COL5A2: variants seen among roughly 807,000 people sequenced by gnomAD.
COL5A2 encodes the protein collagen type V alpha 2 chain.
Under a neutral mutation model 208.2 loss-of-function variants are expected in COL5A2, and 23 were observed. The observed-to-expected ratio is 0.11, with a 90% CI of 0.08 to 0.16. The LOEUF (loss-of-function observed/expected upper bound fraction) is 0.16, where lower values mean the gene tolerates loss of function less well. Among genes scored for constraint, COL5A2 ranks in the 10% least tolerant of loss-of-function variants. COL5A2 has a pLI of 1.00. For synonymous variants in COL5A2, 625 were observed against 628.5 expected, an observed-to-expected ratio of 0.99 and a Z score of 0.08; for missense variants, 1,590 against 1,956.4, an observed-to-expected ratio of 0.81 and a Z score of 3.53.
intron 1 of COL5A2, among the ~76,000 whole-genome samples, chr2:189,140,528 G>A: frequency 6.6e-6 from 1 of 152,036 alleles, no homozygotes; most frequent in East Asian, 1.9e-4. Context: ...TAAAAATACA[G>A]AAAAATCTAT....
the COL5A2 span, among the ~76,000 whole-genome samples, chr2:189,353,894 T>C: frequency 7.2e-5 from 11 of 152,224 alleles, no homozygotes; most frequent in Non-Finnish European, 1.6e-4. Context: ...CTTCCAGTTT[T>C]TGCCCATTTA....
At chr2:189,076,917 C>CA (rs1000084966) in intron 16 of COL5A2, among the ~76,000 whole-genome samples, 13 of 151,606 alleles carry the variant, frequency 8.6e-5, no homozygotes, top group African/African-American at 2.9e-4. Context: ...CCTGTCTCTA[C>CA]AAAAAAAATT....
intron 1 of COL5A2, among the ~76,000 whole-genome samples, chr2:189,132,764 T>C (rs947449182): frequency 1.3e-5 from 2 of 151,760 alleles, no homozygotes; most frequent in East Asian, 3.9e-4. Context: ...CTACTAAAAA[T>C]ACAAAAATTA....
chr2:189,167,971 G>A (rs1214755733), intron 1 of COL5A2, among the ~76,000 whole-genome samples: 1 of 134,050 alleles, frequency 7.5e-6, no homozygotes, highest in Non-Finnish European at 1.6e-5. Context: ...ACGGACTCTC[G>A]CTGTCACCCA....
At chr2:189,340,795 G>C in the COL5A2 span, among the ~76,000 whole-genome samples, 1 of 152,150 alleles carries the variant, frequency 6.6e-6, no homozygotes, top group Admixed American at 6.5e-5. Flanking sequence ...GGTTTAGCAG[G>C]TGTCAGTGCC....
chr2:189,124,255 C>T (rs1242092816), intron 1 of COL5A2, among the ~76,000 whole-genome samples: 2 of 152,156 alleles, frequency 1.3e-5, no homozygotes, highest in African/African-American at 4.8e-5. Context: ...TGGTGTTCCG[C>T]CTGTGTAGCC....
the COL5A2 span, among the ~76,000 whole-genome samples, chr2:189,430,872 G>A: frequency 2.6e-5 from 4 of 152,234 alleles, no homozygotes; most frequent in Admixed American, 1.3e-4. Context: ...GCCTCCTCAA[G>A]TGGGTCCCTG....
chr2:189,247,137 C>T, the COL5A2 span, among the ~76,000 whole-genome samples: 2 of 151,988 alleles, frequency 1.3e-5, no homozygotes, highest in Admixed American at 1.3e-4. Context: ...GGTCCAAGCA[C>T]AGGTAATAGA....
the COL5A2 span, among the ~76,000 whole-genome samples, chr2:189,293,735 C>A: frequency 3.3e-5 from 5 of 152,156 alleles, no homozygotes; most frequent in Non-Finnish European, 7.3e-5. Context: ...TTACTGGTGC[C>A]TTTTCTTAGA....
At chr2:189,307,316 C>T in the COL5A2 span, among the ~76,000 whole-genome samples, 37 of 152,066 alleles carry the variant, frequency 2.4e-4, no homozygotes, top group South Asian at 6.2e-3. Flanking sequence ...AGCTTACTTG[C>T]TATCAATTAA....
the COL5A2 span, among the ~76,000 whole-genome samples, chr2:189,433,516 C>G: frequency 6.6e-5 from 10 of 152,046 alleles, no homozygotes; most frequent in African/African-American, 2.4e-4. Flanking sequence ...ACCAATCCCA[C>G]AGAAATACAA....
At chr2:189,082,409 G>A (rs1255283494) in intron 12 of COL5A2, among the ~76,000 whole-genome samples, 2 of 152,060 alleles carry the variant, frequency 1.3e-5, no homozygotes, top group African/African-American at 4.8e-5. Flanking sequence ...ACACAACCCC[G>A]CTCAAGAATT....
chr2:189,425,158 C>G, the COL5A2 span, among the ~76,000 whole-genome samples: 1 of 152,200 alleles, frequency 6.6e-6, no homozygotes, highest in Non-Finnish European at 1.5e-5. Context: ...GGTATCATCT[C>G]ACTTCTGTTA....
the COL5A2 span, among the ~76,000 whole-genome samples, chr2:189,380,299 G>C: frequency 2.0e-5 from 3 of 151,744 alleles, no homozygotes; most frequent in Non-Finnish European, 2.9e-5. Context: ...CACACATAAA[G>C]TTTTTCTTTT....
the COL5A2 span, among the ~76,000 whole-genome samples, chr2:189,313,990 T>C: frequency 1.3e-5 from 2 of 152,130 alleles, no homozygotes; most frequent in African/African-American, 4.8e-5. Flanking sequence ...CACAAAATAA[T>C]AGTGGGGAAC....
the COL5A2 span, among the ~76,000 whole-genome samples, chr2:189,251,320 A>T: frequency 6.6e-6 from 1 of 152,128 alleles, no homozygotes; most frequent in African/African-American, 2.4e-5. Context: ...AGACACTAAT[A>T]CTCAAAATGT....
At chr2:189,279,656 TATAAG>T in the COL5A2 span, among the ~76,000 whole-genome samples, 80 of 152,080 alleles carry the variant, frequency 5.3e-4, no homozygotes, top group Non-Finnish European at 1.0e-3. Context: ...GCTAGAGTAT[TATAAG>T]ATAGTTTATT....
chr2:189,232,449 A>C, the COL5A2 span, among the ~76,000 whole-genome samples: 3 of 151,784 alleles, frequency 2.0e-5, no homozygotes, highest in Non-Finnish European at 4.4e-5. Context: ...GTATGATATA[A>C]AAGTCAATTT....
Position 189,219,275 on chromosome 2 carries a change from T to C in COL5A2, c.-42+5873A>G, listed in dbSNP as rs146858133. Reference sequence around the variant, plus strand: ...ACCAAAATCCATATGTAACAGGAAGTGTTCTAGTAGGAGCCAAAAACATTA... The same window carrying C: ...ACCAAAATCCATATGTAACAGGAAGCGTTCTAGTAGGAGCCAAAAACATTA... On this transcript the variant is annotated intron_variant, in intron 1 of 10. Coordinates refer to the COL5A2 transcript ENST00000649966. Among the ~76,000 whole-genome samples the C allele has an allele frequency of 5.2e-3, 785 of 152,310 alleles. 6 individuals are homozygous for C. Among genetic ancestry groups the C allele is most frequent in the South Asian group, 8.5e-3 (41 of 4,828 alleles).
Sources: allele counts gnomAD v4.1 joint callset (sites outside exome capture counted in the v4.1 genomes callset), GRCh38; gene constraint gnomAD v4.1.1; transcripts MANE v1.5; gene names NCBI Gene and HGNC (gene_info 2026-07-23, HGNC 2026-07-21).